Variants in PPM1L observed in about 807,000 individuals in gnomAD.
PPM1L encodes protein phosphatase, Mg2+/Mn2+ dependent 1L.
In PPM1L, 13 loss-of-function variants were observed where a neutral mutation model predicts 31.4. That is an observed-to-expected ratio of 0.41 (90% CI 0.27 to 0.66). The LOEUF (loss-of-function observed/expected upper bound fraction) is 0.66, where lower values mean the gene tolerates loss of function less well. Among genes scored for constraint, PPM1L ranks in the 30% least tolerant of loss-of-function variants. PPM1L has a pLI of 0.29. For synonymous variants in PPM1L, 184 were observed against 175.4 expected (o/e 1.05, Z -0.39); for missense variants, 326 against 453.7 (o/e 0.72, Z 2.56).
At chr3:160,880,968 ACT>A (rs752944338) in intron 1 of PPM1L, among the ~76,000 whole-genome samples, 2 of 151,764 alleles carry the variant, frequency 1.3e-5, no homozygotes, top group African/African-American at 4.8e-5. Flanking sequence ...ATATAATGAA[ACT>A]CTGTTTATTT....
intron 1 of PPM1L, among the ~76,000 whole-genome samples, chr3:160,951,813 G>T (rs1715584108): frequency 6.6e-6 from 1 of 152,194 alleles, no homozygotes; most frequent in South Asian, 2.1e-4. Context: ...CAGCCGTTTA[G>T]ATGATTTCAA....
intron 2 of PPM1L, among the ~76,000 whole-genome samples, chr3:160,965,011 G>A (rs1013401317): frequency 1.3e-5 from 2 of 151,998 alleles, no homozygotes; most frequent in Admixed American, 6.6e-5. Flanking sequence ...CAGCACTTTG[G>A]GAGGCCGAGG....
chr3:160,960,075 A>AT (rs1446868999), intron 1 of PPM1L, among the ~76,000 whole-genome samples: 1 of 151,632 alleles, frequency 6.6e-6, no homozygotes, highest in Non-Finnish European at 1.5e-5. Context: ...GTCCTATCTC[A>AT]TTTTTTCCAA....
intron 1 of PPM1L, among the ~76,000 whole-genome samples, chr3:160,849,444 C>T (rs934507652): frequency 2.7e-5 from 4 of 150,510 alleles, no homozygotes; most frequent in Non-Finnish European, 4.4e-5. Context: ...GATGGAGTCT[C>T]GCTCTGTCGC....
At chr3:160,828,428 T>C (rs1713418373) in intron 1 of PPM1L, among the ~76,000 whole-genome samples, 2 of 152,160 alleles carry the variant, frequency 1.3e-5, no homozygotes, top group African/African-American at 4.8e-5. Context: ...AAGTCCATAT[T>C]GAATGCTTAC....
intron 2 of PPM1L, among the ~76,000 whole-genome samples, chr3:160,976,814 CA>C (rs1400536896): frequency 6.6e-6 from 1 of 152,036 alleles, no homozygotes; most frequent in Non-Finnish European, 1.5e-5. Context: ...TTGATCCTTT[CA>C]AAAAACCAGC....
intron 1 of PPM1L, among the ~76,000 whole-genome samples, chr3:160,839,928 T>C (rs1713820338): frequency 6.6e-6 from 1 of 152,180 alleles, no homozygotes; most frequent in Non-Finnish European, 1.5e-5. Context: ...ATTTTTCCTA[T>C]TTGAATTTCT....
At chr3:160,901,891 A>G (rs1233699061) in intron 1 of PPM1L, among the ~76,000 whole-genome samples, 1 of 152,132 alleles carries the variant, frequency 6.6e-6, no homozygotes, top group Non-Finnish European at 1.5e-5. Context: ...GCAGCTTTGC[A>G]TTATTTGTTT....
chr3:160,757,301 G>A (rs896390878), intron 1 of PPM1L, among the ~76,000 whole-genome samples: 1 of 152,240 alleles, frequency 6.6e-6, no homozygotes, highest in Non-Finnish European at 1.5e-5. Flanking sequence ...ATTGACAGGA[G>A]CGCCTCGCTG....
intron 2 of PPM1L, among the ~76,000 whole-genome samples, chr3:161,034,888 G>A (rs1483455918): frequency 6.7e-6 from 1 of 149,624 alleles, no homozygotes; most frequent in African/African-American, 2.5e-5. Flanking sequence ...TATACACCAT[G>A]GAATACTATG....
intron 2 of PPM1L, among the ~76,000 whole-genome samples, chr3:161,017,332 G>C (rs1187121695): frequency 6.6e-6 from 1 of 152,190 alleles, no homozygotes; most frequent in Non-Finnish European, 1.5e-5. Context: ...AGGGAGATTA[G>C]ATATAGAGAA....
chr3:160,766,262 G>C (rs1040663382), intron 1 of PPM1L, among the ~76,000 whole-genome samples: 1 of 152,116 alleles, frequency 6.6e-6, no homozygotes, highest in African/African-American at 2.4e-5. Flanking sequence ...GCTATGAAAA[G>C]CTGCTTAAAA....
chr3:161,017,840 T>A (rs190714039), intron 2 of PPM1L, among the ~76,000 whole-genome samples: 1 of 151,804 alleles, frequency 6.6e-6, no homozygotes, highest in African/African-American at 2.4e-5. Context: ...AAAAACAGAG[T>A]TTTTGCATCC....
rs114391836 is a variant in PPM1L, at chr3:160,787,251, A to G, written c.399+30544A>G. 4.6e-3 allele frequency among the ~76,000 whole-genome samples: 696 copies of G among 152,004 alleles called. 7 individuals carry two copies. The highest frequency in any genetic ancestry group is 0.016 in the African/African-American group (662 of 41,470). On this transcript the variant is annotated intron_variant, in intron 1 of 3. Transcript: ENST00000498165. ...ATATAAGAGTTCTCTTTTCTTCACA[A>G]CCTCACCAGCATCTGTTAATTTTTG...
chr3:160,777,978 C>T (rs1711609033), intron 1 of PPM1L, among the ~76,000 whole-genome samples: 1 of 152,152 alleles, frequency 6.6e-6, no homozygotes, highest in Non-Finnish European at 1.5e-5. Context: ...TTTTACACTC[C>T]TGCCAACAGT....
chr3:160,845,683 A>G (rs182211116), intron 1 of PPM1L, among the ~76,000 whole-genome samples: 90 of 152,104 alleles, frequency 5.9e-4, no homozygotes, highest in Admixed American at 2.0e-3. Flanking sequence ...TGATGTAAAA[A>G]TTTCTTATGC....
intron 1 of PPM1L, among the ~76,000 whole-genome samples, chr3:160,781,614 G>A (rs955291013): frequency 1.3e-5 from 2 of 152,154 alleles, no homozygotes; most frequent in Non-Finnish European, 2.9e-5. Context: ...AATGCTGGGT[G>A]CACTCATTTC....
At chr3:160,823,535 T>C (rs1713269369) in intron 1 of PPM1L, among the ~76,000 whole-genome samples, 1 of 152,108 alleles carries the variant, frequency 6.6e-6, no homozygotes, top group Non-Finnish European at 1.5e-5. Context: ...TTTATACTTT[T>C]AATTTATCTT....
chr3:160,949,978 C>T (rs986527942), intron 1 of PPM1L, among the ~76,000 whole-genome samples: 2 of 151,934 alleles, frequency 1.3e-5, no homozygotes, highest in Admixed American at 6.6e-5. Flanking sequence ...AAGTTTGCTT[C>T]GTTAGGTTAG....
Sources: allele counts gnomAD v4.1 joint callset (sites outside exome capture counted in the v4.1 genomes callset), GRCh38; gene constraint gnomAD v4.1.1; transcripts MANE v1.5; gene names NCBI Gene and HGNC (gene_info 2026-07-23, HGNC 2026-07-21).